The following DMD variants were observed in gnomAD, a reference collection of about 807,000 sequenced individuals.
DMD encodes mutant dystrophin.
A neutral mutation model predicts 330.1 loss-of-function variants in DMD; 63 were observed. The ratio of observed to expected loss-of-function variants is 0.19; its 90% CI spans 0.16 to 0.24. The LOEUF (loss-of-function observed/expected upper bound fraction) is 0.24, where lower values mean the gene tolerates loss of function less well. Among genes scored for constraint, DMD ranks in the 10% least tolerant of loss-of-function variants. The probability of loss-of-function intolerance (pLI) is 1.00; values close to 1 mark genes in which losing one functional copy is unlikely to be tolerated. For missense variants in DMD, 3,344 were observed against 2,684.1 expected, an observed-to-expected ratio of 1.25 and a Z score of -5.43; for synonymous variants, 1,223 against 959.8, an observed-to-expected ratio of 1.27 and a Z score of -5.07.
At chrX:32,135,719 C>A (rs2096721470) in intron 44 of DMD, among the ~76,000 whole-genome samples, 1 of 111,928 alleles carries the variant, frequency 8.9e-6, no homozygotes, top group Admixed American at 9.4e-5. Flanking sequence ...GACTTTGTCT[C>A]AAAAAAATGT....
chrX:31,639,320 C>T (rs756807377), intron 54 of DMD, among the ~76,000 whole-genome samples: 95 of 111,726 alleles, frequency 8.5e-4, no homozygotes, highest in African/African-American at 2.9e-3. Context: ...CCAAGTCTGA[C>T]AGCACTTTGG....
In DMD at chrX:32,362,880, G is replaced by A. The variant is rs1326450715; in HGVS notation, c.5233C>T (p.Arg1745Cys). The A allele has an allele frequency of 9.1e-6, 11 of 1,208,541 alleles. No individual in the cohort carries two copies. The highest frequency in any genetic ancestry group is 1.2e-5 in the Non-Finnish European group (11 of 894,670). ...ACTAATTTCCTGCAGTGGTCACCGC[G>A]GTTTGCCATCAAGTTTGCTGCTTGG... The part of the protein sequence containing the change: ...RDQAANLMAN[R>C]GDHCRKLVEP... The change falls in exon 37 of 79, where the codon CGC (arginine) becomes TGC (cysteine). Residue 1745 changes from arginine (R) to cysteine (C), a missense_variant. By Grantham distance (180) the Arg-to-Cys change is radical. Coordinates refer to ENST00000357033, the MANE Select transcript of DMD (RefSeq NM_004006.3).
chrX:32,040,215 C>A (rs2095988674), intron 44 of DMD, among the ~76,000 whole-genome samples: 1 of 111,917 alleles, frequency 8.9e-6, no homozygotes, highest in Non-Finnish European at 1.9e-5. Flanking sequence ...GTTGGAGTGA[C>A]AAAATCCTTC....
intron 2 of DMD, among the ~76,000 whole-genome samples, chrX:32,919,473 G>C (rs1455952963): frequency 1.8e-5 from 2 of 111,979 alleles, no homozygotes; most frequent in East Asian, 5.6e-4. Context: ...TGCCATAAAT[G>C]TAAGAACATA....
chrX:32,569,693 C>A (rs1033541089), intron 15 of DMD, among the ~76,000 whole-genome samples: 3 of 111,408 alleles, frequency 2.7e-5, no homozygotes, highest in Admixed American at 1.9e-4. Flanking sequence ...GCTCAGTTAC[C>A]ATGAGCACTT....
chrX:32,142,585 C>T (rs1267077440), intron 44 of DMD, among the ~76,000 whole-genome samples: 1 of 112,308 alleles, frequency 8.9e-6, no homozygotes, highest in African/African-American at 3.2e-5. Flanking sequence ...TAATATGGAA[C>T]CATTCCTATC....
At chrX:31,524,126 G>T (rs2073071427) in intron 55 of DMD, among the ~76,000 whole-genome samples, 1 of 112,074 alleles carries the variant, frequency 8.9e-6, no homozygotes, top group South Asian at 3.7e-4. Flanking sequence ...CTCTGAGGTT[G>T]GGGAGAAAAA....
intron 2 of DMD, among the ~76,000 whole-genome samples, chrX:32,862,080 G>C (rs887219421): frequency 9.0e-6 from 1 of 111,260 alleles, no homozygotes; most frequent in East Asian, 2.8e-4. Context: ...AAAATCAGTA[G>C]GTATTTATTC....
intron 18 of DMD, among the ~76,000 whole-genome samples, chrX:32,504,846 C>T (rs1340139711): frequency 9.1e-6 from 1 of 110,303 alleles, no homozygotes; most frequent in Non-Finnish European, 1.9e-5. Flanking sequence ...ACAATATACA[C>T]ACGTAACAAA....
chrX:32,377,231 C>T (rs1443741010), intron 34 of DMD, among the ~76,000 whole-genome samples: 1 of 111,461 alleles, frequency 9.0e-6, no homozygotes, highest in Non-Finnish European at 1.9e-5. Context: ...CTTCATGCCC[C>T]CTATAAAACA....
At chrX:31,646,624 TA>T (rs1467930928) in intron 54 of DMD, among the ~76,000 whole-genome samples, 2 of 111,621 alleles carry the variant, frequency 1.8e-5, no homozygotes, top group African/African-American at 6.5e-5. Context: ...TATTGACTAC[TA>T]ACAGCTCACA....
In DMD at chrX:32,718,241, G is replaced by A. The variant is rs140992971; in HGVS notation, c.650-18948C>T. 3.1e-3 allele frequency among the ~76,000 whole-genome samples: 350 copies of A among 111,228 alleles called. 2 individuals are homozygous for A. Among genetic ancestry groups the A allele is most frequent in the Non-Finnish European group, 3.5e-3 (186 of 53,068 alleles). ...TGTGATCCCCAATATTGAATGAGGCGCCTGGTGGGAGGTGACTGAATCATA... is the reference window on the plus strand; with the variant it reads ...TGTGATCCCCAATATTGAATGAGGCACCTGGTGGGAGGTGACTGAATCATA... On this transcript the variant is annotated intron_variant, in intron 7 of 78. Coordinates refer to ENST00000357033, the MANE Select transcript of DMD (RefSeq NM_004006.3).
At chrX:32,833,184 G>T (rs764254111) in intron 4 of DMD, among the ~76,000 whole-genome samples, 1 of 111,291 alleles carries the variant, frequency 9.0e-6, no homozygotes, top group African/African-American at 3.2e-5. Context: ...CTATATTTCA[G>T]ATATGTTTAT....
chrX:31,520,288 C>T (rs1437639001), intron 55 of DMD, among the ~76,000 whole-genome samples: 1 of 110,805 alleles, frequency 9.0e-6, no homozygotes, highest in East Asian at 2.9e-4. Context: ...TGGCTTCCCC[C>T]ATGCTGTTTT....
intron 55 of DMD, among the ~76,000 whole-genome samples, chrX:31,615,369 C>T (rs2078144402): frequency 9.0e-6 from 1 of 111,497 alleles, no homozygotes; most frequent in Admixed American, 9.6e-5. Context: ...ATTTTATTAA[C>T]GTTATCTATC....
At chrX:31,759,848 T>C (rs2089436299) in intron 51 of DMD, among the ~76,000 whole-genome samples, 1 of 111,469 alleles carries the variant, frequency 9.0e-6, no homozygotes, top group Non-Finnish European at 1.9e-5. Flanking sequence ...TCACAAATTA[T>C]AGACATAGTG....
intron 1 of DMD, among the ~76,000 whole-genome samples, chrX:33,081,250 C>G (rs1336798916): frequency 1.8e-5 from 2 of 110,854 alleles, no homozygotes; most frequent in Non-Finnish European, 3.8e-5. Context: ...AGTGCTTCTA[C>G]CCTACATTTC....
chrX:32,649,144 G>C (rs1300858253), intron 9 of DMD, among the ~76,000 whole-genome samples: 1 of 108,526 alleles, frequency 9.2e-6, no homozygotes, highest in African/African-American at 3.4e-5. Flanking sequence ...CCAAAATTGA[G>C]TACACTCAAA....
intron 7 of DMD, among the ~76,000 whole-genome samples, chrX:32,779,452 A>G (rs779943007): frequency 1.8e-4 from 20 of 110,426 alleles, no homozygotes; most frequent in African/African-American, 6.6e-4. Flanking sequence ...TACATATTTA[A>G]TTTTTACCAC....
Sources: gnomAD v4.1 joint callset for allele counts (sites outside exome capture counted in the v4.1 genomes callset) on GRCh38, gnomAD v4.1.1 for gene constraint, MANE v1.5 for transcripts, NCBI Gene and HGNC (gene_info 2026-07-23, HGNC 2026-07-21) for gene names.